SLC25A21: variants seen among roughly 807,000 people sequenced by gnomAD.
SLC25A21 encodes solute carrier family 25 member 21.
Under a neutral mutation model 43.8 loss-of-function variants are expected in SLC25A21, and 47 were observed. The ratio of observed to expected loss-of-function variants is 1.07; its 90% CI spans 0.85 to 1.37. SLC25A21 has a LOEUF of 1.37. Among genes scored for constraint, SLC25A21 ranks in the 40% most tolerant of loss-of-function variants. The pLI, the probability that SLC25A21 is intolerant of heterozygous loss-of-function variation, is 0.00. For synonymous variants in SLC25A21, 131 were observed against 121.3 expected (o/e 1.08, Z -0.52); for missense variants, 352 against 350.2 (o/e 1.00, Z -0.04).
intron 1 of SLC25A21, among the ~76,000 whole-genome samples, chr14:36,881,771 G>A (rs1594664769): frequency 6.6e-6 from 1 of 152,094 alleles, no homozygotes; most frequent in Non-Finnish European, 1.5e-5. Context: ...CACTACCTCT[G>A]CCTTTACCTA....
chr14:36,935,183 C>A (rs75344697), intron 1 of SLC25A21, among the ~76,000 whole-genome samples: 10,347 of 152,210 alleles, frequency 0.068, 506 homozygotes, highest in Middle Eastern at 0.16. Context: ...TGCCCACACA[C>A]TATCCAGAAT....
chr14:36,902,423 G>A (rs1228019933), intron 1 of SLC25A21, among the ~76,000 whole-genome samples: 3 of 146,830 alleles, frequency 2.0e-5, no homozygotes, highest in Non-Finnish European at 4.5e-5. Context: ...TCTAAGGAGC[G>A]AAGTATCGTA....
intron 1 of SLC25A21, among the ~76,000 whole-genome samples, chr14:37,166,472 T>C (rs1009865199): frequency 2.0e-5 from 3 of 152,254 alleles, no homozygotes; most frequent in African/African-American, 4.8e-5. Flanking sequence ...TGTGCAACTA[T>C]GGCATGTTCA....
chr14:36,897,803 A>G (rs1891286948), intron 1 of SLC25A21, among the ~76,000 whole-genome samples: 1 of 152,236 alleles, frequency 6.6e-6, no homozygotes, highest in Non-Finnish European at 1.5e-5. Context: ...GGTCCACTCC[A>G]GACACTGTTT....
intron 1 of SLC25A21, among the ~76,000 whole-genome samples, chr14:37,123,867 A>C (rs1169135265): frequency 6.6e-6 from 1 of 152,136 alleles, no homozygotes; most frequent in Non-Finnish European, 1.5e-5. Flanking sequence ...CCATAAATAA[A>C]AATTAAATAA....
chr14:37,155,780 T>C (rs1963837928), intron 1 of SLC25A21, among the ~76,000 whole-genome samples: 1 of 152,202 alleles, frequency 6.6e-6, no homozygotes, highest in South Asian at 2.1e-4. Context: ...TGAAGGAATT[T>C]ATTACCATTA....
chr14:37,157,337 G>T (rs577463403), intron 1 of SLC25A21, among the ~76,000 whole-genome samples: 86 of 152,132 alleles, frequency 5.7e-4, no homozygotes, highest in Non-Finnish European at 1.1e-3. Context: ...ACTCCAGCCT[G>T]GGTGACAGAG....
chr14:36,976,780 C>T (rs1437826719), intron 1 of SLC25A21, among the ~76,000 whole-genome samples: 1 of 152,236 alleles, frequency 6.6e-6, no homozygotes, highest in African/African-American at 2.4e-5. Context: ...GCACCTCAAG[C>T]ATGCTCCTCT....
chr14:37,172,439 T>A lies in SLC25A21; in HGVS notation c.-89A>T. On this transcript the variant is annotated 5_prime_UTR_variant, in exon 1 of 10. Transcript: ENST00000331299. ...GCCTACTGATCCAGAGAGCCCCGGC[T>A]GGGCTGGTCCTCAAGCGCGTTGGCT... 1 of 1,392,914 alleles carries A rather than the reference T, an allele frequency of 7.2e-7. No individual in the cohort carries two copies. The highest frequency in any genetic ancestry group is 1.0e-6 in the Non-Finnish European group (1 of 1,002,336). The allele number at this position is 1,392,914 out of a possible 1,614,324, so 86.3% of individuals were successfully genotyped here.
At chr14:37,069,893 GTCTATGA>G (rs1326805026) in intron 1 of SLC25A21, among the ~76,000 whole-genome samples, 3 of 152,144 alleles carry the variant, frequency 2.0e-5, no homozygotes, top group Non-Finnish European at 4.4e-5. Flanking sequence ...CAACATGGTG[GTCTATGA>G]AAAAGAAGGC....
At chr14:37,144,608 C>T (rs188397131) in intron 1 of SLC25A21, among the ~76,000 whole-genome samples, 2 of 152,148 alleles carry the variant, frequency 1.3e-5, no homozygotes, top group East Asian at 1.9e-4. Flanking sequence ...TAATGAAATC[C>T]AGGTTTGAGC....
intron 1 of SLC25A21, among the ~76,000 whole-genome samples, chr14:36,918,805 A>G (rs1377045129): frequency 6.6e-6 from 1 of 152,188 alleles, no homozygotes; most frequent in Non-Finnish European, 1.5e-5. Context: ...AAAAACATTC[A>G]CAAAAAAGAC....
chr14:36,995,675 C>A (rs551446453), intron 1 of SLC25A21, among the ~76,000 whole-genome samples: 9 of 152,282 alleles, frequency 5.9e-5, no homozygotes, highest in Non-Finnish European at 1.0e-4. Context: ...AAACTTATAA[C>A]CCTGGCTACA....
chr14:37,024,810 C>T (rs1185586261), intron 1 of SLC25A21, among the ~76,000 whole-genome samples: 3 of 151,796 alleles, frequency 2.0e-5, no homozygotes, highest in Admixed American at 1.3e-4. Context: ...CACTGTGATC[C>T]CATAATTAAT....
At chr14:37,021,501 C>T (rs1180112193) in intron 1 of SLC25A21, among the ~76,000 whole-genome samples, 1 of 151,896 alleles carries the variant, frequency 6.6e-6, no homozygotes, top group Non-Finnish European at 1.5e-5. Flanking sequence ...CCTCCTCTTC[C>T]CCTCCTCTAT....
intron 3 of SLC25A21, among the ~76,000 whole-genome samples, chr14:36,750,713 T>C (rs1008687210): frequency 6.6e-6 from 1 of 152,108 alleles, no homozygotes; most frequent in African/African-American, 2.4e-5. Context: ...ATTAAAAATA[T>C]TAAAAAAACC....
At chr14:36,748,494 G>C (rs1885583159) in intron 3 of SLC25A21, among the ~76,000 whole-genome samples, 1 of 152,182 alleles carries the variant, frequency 6.6e-6, no homozygotes, top group South Asian at 2.1e-4. Flanking sequence ...ATAGACTTCT[G>C]CATATGCACA....
chr14:36,761,632 C>T (rs1012834641), intron 3 of SLC25A21, among the ~76,000 whole-genome samples: 1 of 152,192 alleles, frequency 6.6e-6, no homozygotes, highest in Non-Finnish European at 1.5e-5. Context: ...AATTATTACA[C>T]TGGTCTCTTG....
chr14:36,939,771 T>C (rs1374213440), intron 1 of SLC25A21, among the ~76,000 whole-genome samples: 1 of 152,096 alleles, frequency 6.6e-6, no homozygotes, highest in Admixed American at 6.6e-5. Context: ...ATAAAATGGA[T>C]TCAGAAGACA....
Sources: gnomAD v4.1 joint callset for allele counts (sites outside exome capture counted in the v4.1 genomes callset) on GRCh38, gnomAD v4.1.1 for gene constraint, MANE v1.5 for transcripts, NCBI Gene and HGNC (gene_info 2026-07-23, HGNC 2026-07-21) for gene names.